PAPPA2: variants seen among roughly 807,000 people sequenced by gnomAD.
PAPPA2 encodes the protein pappalysin-2.
PAPPA2 carries 86 observed loss-of-function variants against 176.4 expected under a neutral mutation model. That is an observed-to-expected ratio of 0.49 (90% CI 0.41 to 0.58). The LOEUF is 0.58. Among genes scored for constraint, PAPPA2 ranks in the 20% least tolerant of loss-of-function variants. The pLI is 0.00. For missense variants in PAPPA2, 2,073 were observed against 2,256.9 expected, an observed-to-expected ratio of 0.92 and a Z score of 1.65; for synonymous variants, 809 against 852.2, an observed-to-expected ratio of 0.95 and a Z score of 0.88.
chr1:176,800,599 A>C (rs1463525672), intron 21 of PAPPA2, among the ~76,000 whole-genome samples: 1 of 152,216 alleles, frequency 6.6e-6, no homozygotes, highest in Non-Finnish European at 1.5e-5. Flanking sequence ...ACACATCCCA[A>C]ATAAAAATAA....
chr1:176,509,872 C>A (rs1220838789), intron 1 of PAPPA2, among the ~76,000 whole-genome samples: 7 of 150,672 alleles, frequency 4.6e-5, no homozygotes, highest in African/African-American at 7.3e-5. Flanking sequence ...AAAAAAACAA[C>A]AAAAAAAACA....
At chr1:176,686,250 T>TG (rs1313795008) in intron 4 of PAPPA2, among the ~76,000 whole-genome samples, 1 of 152,136 alleles carries the variant, frequency 6.6e-6, no homozygotes, top group African/African-American at 2.4e-5. Context: ...CAGTACGGTT[T>TG]GGGGGTCCTC....
chr1:176,540,331 T>C (rs1005972015), intron 1 of PAPPA2, among the ~76,000 whole-genome samples: 1 of 152,210 alleles, frequency 6.6e-6, no homozygotes, highest in Non-Finnish European at 1.5e-5. Context: ...ACTTGAAAAC[T>C]CCTTGTCTTT....
At chr1:176,574,840 G>A (rs927251545) in intron 2 of PAPPA2, among the ~76,000 whole-genome samples, 6 of 152,192 alleles carry the variant, frequency 3.9e-5, no homozygotes, top group Admixed American at 3.9e-4. Flanking sequence ...GTTTAGGTAT[G>A]TTTAGATACA....
intron 1 of PAPPA2, among the ~76,000 whole-genome samples, chr1:176,478,231 G>A (rs1652230063): frequency 6.6e-6 from 1 of 152,210 alleles, no homozygotes; most frequent in Non-Finnish European, 1.5e-5. Context: ...AATCCAGATT[G>A]ATCTCACAAA....
chr1:176,720,696 G>C (rs1661576858), intron 12 of PAPPA2, among the ~76,000 whole-genome samples: 1 of 152,008 alleles, frequency 6.6e-6, no homozygotes, highest in African/African-American at 2.4e-5. Flanking sequence ...AATTAGGGAG[G>C]GCAATTGGTT....
At chr1:176,643,440 T>C (rs1474101159) in intron 3 of PAPPA2, among the ~76,000 whole-genome samples, 3 of 151,670 alleles carry the variant, frequency 2.0e-5, no homozygotes, top group Admixed American at 6.6e-5. Flanking sequence ...TTTAAATGCT[T>C]TAAAAATGTA....
chr1:176,546,570 T>C (rs1650647010), intron 1 of PAPPA2, among the ~76,000 whole-genome samples: 1 of 152,224 alleles, frequency 6.6e-6, no homozygotes, highest in African/African-American at 2.4e-5. Flanking sequence ...CATTTATATG[T>C]GAATTTACAC....
intron 21 of PAPPA2, among the ~76,000 whole-genome samples, chr1:176,824,606 CA>C: frequency 6.6e-6 from 1 of 152,258 alleles, no homozygotes; most frequent in South Asian, 2.1e-4. Context: ...TTTGAACAAA[CA>C]GAGATGAAAT....
chr1:176,511,809 T>A (rs1648612308), intron 1 of PAPPA2, among the ~76,000 whole-genome samples: 1 of 152,156 alleles, frequency 6.6e-6, no homozygotes, highest in Non-Finnish European at 1.5e-5. Context: ...ACCTTCAAAC[T>A]TGAACTGGGA....
intron 3 of PAPPA2, among the ~76,000 whole-genome samples, chr1:176,628,348 G>C (rs1218846578): frequency 6.6e-6 from 1 of 152,104 alleles, no homozygotes; most frequent in Non-Finnish European, 1.5e-5. Context: ...GACATAGTAG[G>C]CTCTCAATAG....
At chr1:176,832,712 A>C (rs2102985765) in intron 21 of PAPPA2, among the ~76,000 whole-genome samples, 1 of 152,294 alleles carries the variant, frequency 6.6e-6, no homozygotes, top group African/African-American at 2.4e-5. Flanking sequence ...GGCAGGAACT[A>C]TTACGCCCTG....
chr1:176,556,159 G>T lies in PAPPA2; in HGVS notation c.-164G>T. ...GCAGAGCGGCCAGCACAGGTAGCCA[G>T]CAGAGGCATTCTTGGGGCTATTTGA... On this transcript the variant is annotated 5_prime_UTR_variant, in exon 2 of 23. Coordinates refer to ENST00000367662, the MANE Select transcript of PAPPA2 (RefSeq NM_020318.3). 1.2e-6 allele frequency: 1 copy of T among 804,142 alleles called. No homozygotes were observed. The highest frequency in any genetic ancestry group is 2.0e-6 in the Non-Finnish European group (1 of 512,174). The allele number at this position is 804,142 out of a possible 1,614,324, so 49.8% of individuals were successfully genotyped here.
intron 3 of PAPPA2, among the ~76,000 whole-genome samples, chr1:176,641,449 C>A (rs939277911): frequency 2.6e-5 from 4 of 151,136 alleles, no homozygotes; most frequent in Non-Finnish European, 5.9e-5. Context: ...AATAGGGAAT[C>A]CTTTCCCCAT....
chr1:176,620,378 C>T (rs193121883), intron 3 of PAPPA2, among the ~76,000 whole-genome samples: 1 of 152,202 alleles, frequency 6.6e-6, no homozygotes, highest in East Asian at 1.9e-4. Flanking sequence ...CTATTTAGGC[C>T]ACCTACTTCT....
intron 17 of PAPPA2, among the ~76,000 whole-genome samples, chr1:176,782,825 G>A (rs1243284619): frequency 1.3e-5 from 2 of 152,140 alleles, no homozygotes; most frequent in Non-Finnish European, 2.9e-5. Flanking sequence ...TTGCTGACTG[G>A]CTGGGAAGGG....
intron 20 of PAPPA2, among the ~76,000 whole-genome samples, chr1:176,796,688 TTTTCTTTCTCTC>T (rs1665453642): frequency 1.3e-5 from 2 of 151,524 alleles, no homozygotes; most frequent in South Asian, 4.2e-4. Flanking sequence ...TTTCTTTTTC[TTTTCTTTCTCTC>T]TTTCTTTCTT....
At position 176,711,877 on chromosome 1, in the gene PAPPA2, C is replaced by A; in HGVS notation, c.3694C>A (p.Leu1232Ile). Residue 1232 changes from leucine (L) to isoleucine (I), a missense_variant, in exon 12 of 23, where the codon CTA becomes ATA. Coordinates refer to ENST00000367662, the MANE Select transcript of PAPPA2 (RefSeq NM_020318.3). ...YHPDLPNHRPLTGWFPCVASE... is the reference protein window; with the variant it reads ...YHPDLPNHRPITGWFPCVASE... Reference sequence around the variant, plus strand: ...TCCAGATTTACCCAACCACCGTCCCCTAACTGGCTGGTTTCCCTGTGTTGC... The same window carrying A: ...TCCAGATTTACCCAACCACCGTCCCATAACTGGCTGGTTTCCCTGTGTTGC... 4 of 1,613,084 alleles carry A rather than the reference C, an allele frequency of 2.5e-6. No individual in the cohort carries two copies. The highest frequency in any genetic ancestry group is 3.4e-6 in the Non-Finnish European group (4 of 1,179,136).
rs1279735709 is a variant in PAPPA2, at chr1:176,594,508, C to T, written c.920-16C>T. Reference sequence around the variant, plus strand: ...CTGGTATCTGTCTCTTCCCTCGATTCTTCCTTCTTTCCCAGGTGTGTTTGA... The same window carrying T: ...CTGGTATCTGTCTCTTCCCTCGATTTTTCCTTCTTTCCCAGGTGTGTTTGA... On this transcript the variant is annotated splice_polypyrimidine_tract_variant and intron_variant, in intron 2 of 22. Coordinates refer to ENST00000367662, the MANE Select transcript of PAPPA2 (RefSeq NM_020318.3). The T allele has an allele frequency of 3.1e-6, 5 of 1,599,848 alleles. No individual in the cohort carries two copies. The African/African-American group carries it at 6.7e-5, about 21-fold the overall frequency.
Sources: gnomAD v4.1 joint callset for allele counts (sites outside exome capture counted in the v4.1 genomes callset) on GRCh38, gnomAD v4.1.1 for gene constraint, MANE v1.5 for transcripts, NCBI Gene and HGNC (gene_info 2026-07-23, HGNC 2026-07-21) for gene names.